Variants in PDCD2 observed in about 807,000 individuals in gnomAD.
PDCD2 encodes the protein uS5 assembly chaperone PDCD2.
Under a neutral mutation model 38.1 loss-of-function variants are expected in PDCD2, and 38 were observed. The observed-to-expected ratio is 1.00, with a 90% CI of 0.77 to 1.31. The LOEUF is 1.31. PDCD2 is among the 50% of genes most tolerant of loss of function. PDCD2 has a pLI of 0.00. For missense variants in PDCD2, 473 were observed against 435.7 expected, an observed-to-expected ratio of 1.09 and a Z score of -0.76; for synonymous variants, 205 against 168.9, an observed-to-expected ratio of 1.21 and a Z score of -1.66.
chr6:170,579,777 G>T, intron 4 of PDCD2: 1 of 411,292 alleles, frequency 2.4e-6, no homozygotes, highest in South Asian at 4.4e-5. Context: ...ATGATAAACA[G>T]TATAACCTTT....
Position 170,577,498 on chromosome 6 carries a change from CCAGAAA to C in PDCD2, c.*55_*60del. 7.1e-7 allele frequency: 1 copy of C among 1,410,076 alleles called. No homozygotes were observed. The highest frequency in any genetic ancestry group is 9.9e-7 in the Non-Finnish European group (1 of 1,013,482). 87.3% of individuals were successfully genotyped at this position (1,410,076 alleles called of 1,614,324 possible). On this transcript the variant is annotated 3_prime_UTR_variant, in exon 6 of 6. Coordinates refer to ENST00000541970, the MANE Select transcript of PDCD2 (RefSeq NM_002598.4). ...ATAAGTATTTCCTTAGGATAAAATCCCAGAAATGGAATTGCAAGGTATAAAAGATTA... is the reference window on the plus strand; with the variant it reads ...ATAAGTATTTCCTTAGGATAAAATCCTGGAATTGCAAGGTATAAAAGATTA...
intron 3 of PDCD2, chr6:170,582,437 A>G: frequency 7.0e-7 from 1 of 1,436,908 alleles, no homozygotes; most frequent in Non-Finnish European, 9.1e-7. Flanking sequence ...ATTTAATATT[A>G]TGTGACCAAA....
rs1371228375 is a variant in PDCD2 at position 170,578,890 on chromosome 6, G to A, written c.843C>T (p.Cys281=). ...NIPQEKDIPD[C]PCGAKRILEF... ...CCAATATTCTCTTGGCACCACAGGG[G>A]CAATCTGGAATATCCTTTTCTTGAG... The change falls in exon 5 of 6, where the codon TGC becomes TGT. Residue 281 remains cysteine (C), a synonymous_variant. Coordinates refer to ENST00000541970, the MANE Select transcript of PDCD2 (RefSeq NM_002598.4). The A allele has an allele frequency of 5.0e-6, 8 of 1,610,734 alleles. No homozygotes were observed. The highest frequency in any genetic ancestry group is 5.9e-6 in the Non-Finnish European group (7 of 1,177,762).
Position 170,583,744 on chromosome 6 carries a change from AAAACT to A in PDCD2, c.284-2_286del, listed in dbSNP as rs1302867688. 1.2e-6 allele frequency: 2 copies of A among 1,605,904 alleles called. No homozygotes were observed. Among genetic ancestry groups the A allele is most frequent in the South Asian group, 1.1e-5 (1 of 90,496 alleles). The stretch of plus-strand genomic sequence containing the variant: ...GTTTTTCCTGGGTAGTTGATTCCTA[AAAACT>A]AAAAAAGAATACAGAGAAAAGTTTT... On this transcript the variant is annotated splice_acceptor_variant and coding_sequence_variant, in exon 2 of 6. Transcript: ENST00000541970. LOFTEE classifies it high-confidence loss of function.
rs1779451564 is a variant in PDCD2 at position 170,576,310 on chromosome 6, AGCC to A, written c.*1246_*1248del. 6.6e-6 allele frequency: 1 copy of A among 152,252 alleles called. No homozygotes were observed. The highest frequency in any genetic ancestry group is 2.4e-5 in the African/African-American group (1 of 41,468). The allele number at this position is 152,252 out of a possible 1,614,324, so 9.4% of individuals were successfully genotyped here. A position where few individuals can be genotyped will look rare whatever the true frequency, so the allele number is the denominator to read the frequency against. ...GAACTTTTTAAATTACAAATAAAATAGCCAAGTAGACAATTACATTAGCAAGTG... is the reference window on the plus strand; with the variant it reads ...GAACTTTTTAAATTACAAATAAAATAAAGTAGACAATTACATTAGCAAGTG... On this transcript the variant is annotated 3_prime_UTR_variant, in exon 6 of 6. Transcript: ENST00000541970.
chr6:170,582,895 A>C, intron 3 of PDCD2, 162 bp downstream of exon 3: 1 of 1,442,152 alleles, frequency 6.9e-7, no homozygotes, highest in Non-Finnish European at 9.0e-7. Flanking sequence ...CAGAAAACAA[A>C]GTCCAGGAAG....
At chr6:170,583,406 C>T in intron 2 of PDCD2, 99 bp downstream of exon 2, 2 of 1,339,194 alleles carry the variant, frequency 1.5e-6, no homozygotes, top group South Asian at 2.9e-5. Context: ...TTTTAAAGTA[C>T]TATACCTTTC....
chr6:170,582,197 G>C, intron 3 of PDCD2: 1 of 1,463,340 alleles, frequency 6.8e-7, no homozygotes, highest in Non-Finnish European at 9.3e-7. Context: ...AACTTCCCCA[G>C]ATATTATTTG....
Position 170,584,615 on chromosome 6 carries a change from A to T in PDCD2, c.-34T>A, listed in dbSNP as rs1488004808. 57 of 1,193,714 alleles carry T rather than the reference A, an allele frequency of 4.8e-5. No homozygotes were observed. The highest frequency in any genetic ancestry group is 5.7e-5 in the Non-Finnish European group (54 of 946,570). The allele number at this position is 1,193,714 out of a possible 1,614,324, so 73.9% of individuals were successfully genotyped here. ...CGGGCTGGCGTGGGGCGCAGCCCAC[A>T]GCTGGGTCGGAAGGCGGAAATCGGG... On this transcript the variant is annotated 5_prime_UTR_variant, in exon 1 of 6. Coordinates refer to ENST00000541970, the MANE Select transcript of PDCD2 (RefSeq NM_002598.4).
At chr6:170,582,227 G>A in intron 3 of PDCD2, 2 of 1,443,518 alleles carry the variant, frequency 1.4e-6, no homozygotes, top group Non-Finnish European at 1.9e-6. Flanking sequence ...ATAAGACTGT[G>A]AGCATCTGAC....
chr6:170,580,567 T>C (rs912174591), intron 3 of PDCD2, among the ~76,000 whole-genome samples: 25 of 152,006 alleles, frequency 1.6e-4, no homozygotes, highest in African/African-American at 5.1e-4. Context: ...ATATAAAAAT[T>C]AGCCAGACGT....
rs142084425 is a variant in PDCD2, at chr6:170,583,704, A to G, written c.327T>C (p.Tyr109=). The G allele has an allele frequency of 6.2e-7, 1 of 1,613,448 alleles. No individual in the cohort carries two copies. The highest frequency in any genetic ancestry group is 1.3e-5 in the African/African-American group (1 of 74,924). Residue 109 remains tyrosine (Y), a synonymous_variant, in exon 2 of 6, where the codon TAT becomes TAC. Coordinates refer to ENST00000541970, the MANE Select transcript of PDCD2 (RefSeq NM_002598.4). The stretch of plus-strand genomic sequence containing the variant: ...GGGGAGGATTCTCAGAAGGTGGCTC[A>G]TATGAGTAAAAATCGTTTTTCCTGG... ...QLPRKNDFYS[Y]EPPSENPPPE...
Position 170,584,315 on chromosome 6 carries a change from G to A in PDCD2, c.267C>T (p.Cys89=). The A allele has an allele frequency of 2.7e-6, 4 of 1,491,336 alleles. No individual in the cohort carries two copies. The highest frequency in any genetic ancestry group is 2.7e-6 in the Non-Finnish European group (3 of 1,127,544). 92.4% of individuals were successfully genotyped at this position (1,491,336 alleles called of 1,614,324 possible). A position where few individuals can be genotyped will look rare whatever the true frequency, so the allele number is the denominator to read the frequency against. ...IFLFCCREQP[C]CAGLRVFRNQ... Reference sequence around the variant, plus strand: ...GCGGCTCACCTCGCAGGCCGGCACAGCACGGCTGCTCGCGGCAGCAGAAGA... The same window carrying A: ...GCGGCTCACCTCGCAGGCCGGCACAACACGGCTGCTCGCGGCAGCAGAAGA... Residue 89 remains cysteine, a synonymous_variant, in exon 1 of 6, where the codon TGC becomes TGT. Coordinates refer to ENST00000541970, the MANE Select transcript of PDCD2 (RefSeq NM_002598.4).
chr6:170,580,480 C>T (rs1362711019), intron 3 of PDCD2, among the ~76,000 whole-genome samples: 1 of 152,076 alleles, frequency 6.6e-6, no homozygotes, highest in Non-Finnish European at 1.5e-5. Flanking sequence ...TTTGGGAGGC[C>T]GAGGCGGGCA....
chr6:170,583,031 A>G, intron 3 of PDCD2, 26 bp downstream of exon 3: 1 of 1,601,466 alleles, frequency 6.2e-7, no homozygotes, highest in South Asian at 1.1e-5. Flanking sequence ...TAACCACTTA[A>G]TGAATGAAGT....
intron 1 of PDCD2, 126 bp downstream of exon 1, chr6:170,584,173 G>C (rs2115020085): frequency 9.4e-7 from 1 of 1,065,040 alleles, no homozygotes; most frequent in East Asian, 3.2e-5. Flanking sequence ...CTGGGGCAGC[G>C]CGGAGAGGGA....
rs1779430932 is a variant in PDCD2, at chr6:170,575,508, G to A, written c.*2051C>T. ...TGCATGGACTGGCACCGTCTGTGGA[G>A]CCATGATTATGTAGGTGAGACTTGC... On this transcript the variant is annotated 3_prime_UTR_variant, in exon 6 of 6. Coordinates refer to ENST00000541970, the MANE Select transcript of PDCD2 (RefSeq NM_002598.4). The A allele has an allele frequency of 6.6e-6, 1 of 152,198 alleles. No homozygotes were observed. Among genetic ancestry groups the A allele is most frequent in the African/African-American group, 2.4e-5 (1 of 41,444 alleles). The allele number at this position is 152,198 out of a possible 1,614,324, so 9.4% of individuals were successfully genotyped here.
chr6:170,583,905 C>T (rs1779714119), intron 1 of PDCD2, 158 bp from the exon 2 acceptor site: 2 of 647,698 alleles, frequency 3.1e-6, no homozygotes, highest in Non-Finnish European at 5.2e-6. Flanking sequence ...TAGATTTCGT[C>T]CGGTACACGC....
At chr6:170,577,811 C>A (rs968061652) in intron 5 of PDCD2, 94 bp from the exon 6 acceptor site, 1 of 1,131,396 alleles carries the variant, frequency 8.8e-7, no homozygotes, top group Non-Finnish European at 1.3e-6. Context: ...CTTGGTCTTT[C>A]AATCCTCATA....
Sources: allele counts gnomAD v4.1 joint callset (sites outside exome capture counted in the v4.1 genomes callset), GRCh38; gene constraint gnomAD v4.1.1; transcripts MANE v1.5; gene names NCBI Gene and HGNC (gene_info 2026-07-23, HGNC 2026-07-21).